DENND1A: variants seen among roughly 807,000 people sequenced by gnomAD.
DENND1A encodes the protein DENN domain-containing protein 1A.
Under a neutral mutation model 113.7 loss-of-function variants are expected in DENND1A, and 51 were observed. The observed-to-expected ratio is 0.45, with a 90% confidence interval of 0.36 to 0.57. DENND1A has a LOEUF of 0.57. Ranked by LOEUF, DENND1A falls within the 20% of genes least tolerant of loss-of-function variation. DENND1A has a pLI of 0.00. For missense variants in DENND1A, 1,258 were observed against 1,395.9 expected (o/e 0.90, Z 1.57); for synonymous variants, 565 against 570.8 (o/e 0.99, Z 0.14).
intron 11 of DENND1A, among the ~76,000 whole-genome samples, chr9:123,597,777 T>G (rs2059760276): frequency 6.6e-6 from 1 of 152,122 alleles, no homozygotes. Context: ...TGGGTCTTCT[T>G]TATTTATAAA....
intron 19 of DENND1A, among the ~76,000 whole-genome samples, chr9:123,420,233 G>A (rs985075401): frequency 2.0e-5 from 3 of 152,200 alleles, no homozygotes; most frequent in South Asian, 2.1e-4. Context: ...AGTGGTCCTG[G>A]CGACTCTGAG....
At chr9:123,576,618 C>T (rs1006565705) in intron 12 of DENND1A, among the ~76,000 whole-genome samples, 1 of 152,150 alleles carries the variant, frequency 6.6e-6, no homozygotes, top group Admixed American at 6.5e-5. Context: ...GCCACCTCAG[C>T]CTCCTGAGTA....
In DENND1A at chr9:123,821,252, G is replaced by A. The variant is rs12336361; in HGVS notation, c.89-28622C>T. 4.3e-3 allele frequency among the ~76,000 whole-genome samples: 657 copies of A among 152,060 alleles called. 4 individuals carry two copies. Among genetic ancestry groups the A allele is most frequent in the African/African-American group, 0.015 (622 of 41,456 alleles). ...TGCAGTATTCTCTTACATATAAATA[G>A]ACAATAGACTGAAATATAATAAAGT... On this transcript the variant is annotated intron_variant, in intron 2 of 23. Coordinates refer to ENST00000394215, the MANE Select transcript of DENND1A (RefSeq NM_001352964.2).
chr9:123,805,043 A>G (rs1835307666), intron 2 of DENND1A, among the ~76,000 whole-genome samples: 1 of 152,096 alleles, frequency 6.6e-6, no homozygotes, highest in African/African-American at 2.4e-5. Flanking sequence ...CATGCATGCC[A>G]TGCTTCCACT....
chr9:123,904,799 G>A (rs2133945180), intron 1 of DENND1A, among the ~76,000 whole-genome samples: 1 of 152,128 alleles, frequency 6.6e-6, no homozygotes, highest in African/African-American at 2.4e-5. Flanking sequence ...TATGATCCAG[G>A]AGAACTTCCC....
chr9:123,845,429 C>A (rs545155778), intron 2 of DENND1A, among the ~76,000 whole-genome samples: 23 of 151,990 alleles, frequency 1.5e-4, no homozygotes, highest in Non-Finnish European at 2.6e-4. Flanking sequence ...CTTTGGGAAG[C>A]TGAGGCAGAA....
At chr9:123,917,247 G>T (rs1855323095) in intron 1 of DENND1A, among the ~76,000 whole-genome samples, 1 of 152,014 alleles carries the variant, frequency 6.6e-6, no homozygotes, top group Admixed American at 6.6e-5. Context: ...CACAACCACA[G>T]AAAAAAACCA....
chr9:123,578,307 A>G (rs1249951294), intron 12 of DENND1A, among the ~76,000 whole-genome samples: 1 of 152,202 alleles, frequency 6.6e-6, no homozygotes, highest in Admixed American at 6.5e-5. Flanking sequence ...GCTTCCTTTC[A>G]CTCAGGGATA....
chr9:123,537,059 G>A (rs1439061820), intron 13 of DENND1A, among the ~76,000 whole-genome samples: 1 of 152,040 alleles, frequency 6.6e-6, no homozygotes, highest in Non-Finnish European at 1.5e-5. Context: ...ATGCCTGAGA[G>A]GTATGCCCAC....
chr9:123,490,195 T>G (rs1450832962), intron 13 of DENND1A, among the ~76,000 whole-genome samples: 1 of 152,186 alleles, frequency 6.6e-6, no homozygotes. Flanking sequence ...ATGGCCAGTG[T>G]AGGATATAGT....
intron 1 of DENND1A, among the ~76,000 whole-genome samples, chr9:123,922,822 C>T (rs934501030): frequency 3.3e-5 from 5 of 152,200 alleles, no homozygotes; most frequent in African/African-American, 7.2e-5. Context: ...TCATAACCAA[C>T]GTCCAAATGA....
chr9:123,658,443 C>G (rs2063074494), intron 8 of DENND1A, among the ~76,000 whole-genome samples: 2 of 152,102 alleles, frequency 1.3e-5, no homozygotes, highest in African/African-American at 4.8e-5. Flanking sequence ...GCATAAAATT[C>G]ACTCCTACAT....
chr9:123,646,935 G>A (rs1171257773), intron 9 of DENND1A, among the ~76,000 whole-genome samples: 1 of 152,048 alleles, frequency 6.6e-6, no homozygotes, highest in Non-Finnish European at 1.5e-5. Flanking sequence ...GTGGGATCTT[G>A]GCACTCTCTC....
chr9:123,546,278 G>A (rs559941106), intron 13 of DENND1A, among the ~76,000 whole-genome samples: 1 of 152,264 alleles, frequency 6.6e-6, no homozygotes, highest in African/African-American at 2.4e-5. Context: ...GCCGGGCGAG[G>A]TGGCTCACGC....
chr9:123,690,012 G>A (rs1306144412), intron 5 of DENND1A, among the ~76,000 whole-genome samples: 1 of 146,864 alleles, frequency 6.8e-6, no homozygotes, highest in African/African-American at 2.5e-5. Context: ...GAAAGGGAAA[G>A]GAGGGAAGGA....
intron 1 of DENND1A, among the ~76,000 whole-genome samples, chr9:123,886,038 A>T (rs1849026733): frequency 6.6e-6 from 1 of 152,154 alleles, no homozygotes; most frequent in African/African-American, 2.4e-5. Context: ...TCAGCCTCCC[A>T]AAGTTCTGGG....
At chr9:123,919,599 C>G (rs1230700) in intron 1 of DENND1A, among the ~76,000 whole-genome samples, 44,269 of 150,688 alleles carry the variant, frequency 0.29, 10,400 homozygotes, top group African/African-American at 0.65. Context: ...ATGACATCTG[C>G]GGCCTGGAAT....
intron 1 of DENND1A, among the ~76,000 whole-genome samples, chr9:123,899,855 T>C (rs139568200): frequency 8.5e-5 from 13 of 152,366 alleles, no homozygotes; most frequent in African/African-American, 2.9e-4. Flanking sequence ...TATAAATTTC[T>C]TTCTCCTCAA....
chr9:123,510,322 C>T (rs944890454), intron 13 of DENND1A, among the ~76,000 whole-genome samples: 6 of 152,292 alleles, frequency 3.9e-5, no homozygotes, highest in East Asian at 1.9e-4. Context: ...ACATGTTATG[C>T]GGTCATATGA....
Sources: gnomAD v4.1 joint callset for allele counts (sites outside exome capture counted in the v4.1 genomes callset) on GRCh38, gnomAD v4.1.1 for gene constraint, MANE v1.5 for transcripts, NCBI Gene and HGNC (gene_info 2026-07-23, HGNC 2026-07-21) for gene names.